The following CELF1 variants were observed in gnomAD, a reference collection of about 807,000 sequenced individuals.
CELF1 encodes 50 kDa nuclear polyadenylated RNA-binding protein.
In CELF1, 10 loss-of-function variants were observed where a neutral mutation model predicts 61.8. The observed-to-expected ratio is 0.16, with a 90% CI of 0.10 to 0.27. The LOEUF is 0.27. Among genes scored for constraint, CELF1 ranks in the 10% least tolerant of loss-of-function variants. The pLI is 1.00. For missense variants in CELF1, 380 were observed against 639.1 expected, an observed-to-expected ratio of 0.59 and a Z score of 4.37; for synonymous variants, 236 against 225.1, an observed-to-expected ratio of 1.05 and a Z score of -0.43.
chr11:47,470,497 A>G lies in CELF1; in HGVS notation c.*1733T>C, dbSNP rs530025561. On this transcript the variant is annotated 3_prime_UTR_variant, in exon 15 of 15. Coordinates refer to ENST00000687097, the MANE Select transcript of CELF1 (RefSeq NM_001376376.1). ...TAGAGGACAACAGACCCAAGTTATC[A>G]CTATGAGAAAGGAACAGCTGTCCCA... 3.9e-5 allele frequency: 6 copies of G among 152,234 alleles called. No individual in the cohort carries two copies. The highest frequency in any genetic ancestry group is 4.2e-4 in the South Asian group (2 of 4,818). 9.4% of individuals were successfully genotyped at this position (152,234 alleles called of 1,614,324 possible). A position where few individuals can be genotyped will look rare whatever the true frequency, so the allele number is the denominator to read the frequency against.
At chr11:47,520,247 G>C (rs1047480154) in intron 1 of CELF1, among the ~76,000 whole-genome samples, 1 of 152,174 alleles carries the variant, frequency 6.6e-6, no homozygotes, top group African/African-American at 2.4e-5. Flanking sequence ...TCTCAGGAGA[G>C]CTGATTCTTA....
At chr11:47,473,978 G>A (rs2078871806) in intron 13 of CELF1, among the ~76,000 whole-genome samples, 1 of 151,870 alleles carries the variant, frequency 6.6e-6, no homozygotes, top group African/African-American at 2.4e-5. Context: ...GTGAACTCAG[G>A]TCACTGCAAC....
At chr11:47,515,113 T>C (rs1213933362) in intron 1 of CELF1, among the ~76,000 whole-genome samples, 2 of 152,244 alleles carry the variant, frequency 1.3e-5, no homozygotes, top group Non-Finnish European at 2.9e-5. Context: ...GCTAAGCTAA[T>C]GCACAGCTTT....
chr11:47,513,931 C>CTA (rs2095399697), intron 1 of CELF1: 1 of 147,474 alleles, frequency 6.8e-6, no homozygotes, highest in Non-Finnish European at 1.5e-5. Flanking sequence ...CAAAATTTTC[C>CTA]TTTTTTTTTT....
chr11:47,474,909 A>T (rs917383172), intron 13 of CELF1, among the ~76,000 whole-genome samples: 1 of 152,200 alleles, frequency 6.6e-6, no homozygotes, highest in Admixed American at 6.5e-5. Flanking sequence ...GTTTGTCTTC[A>T]ATCAGGACAA....
rs1237391294 is a variant in CELF1 at position 47,533,812 on chromosome 11, A to C, written c.-154+19180T>G. ...GCAATAGAGCGAGACTCTCCCCCAA[A>C]AAAAAAAAAAAAAAAAAAAGGAATA... On this transcript the variant is annotated intron_variant, in intron 1 of 14. Transcript: ENST00000687097. 9.0e-4 allele frequency among the ~76,000 whole-genome samples: 129 copies of C among 144,016 alleles called. 2 individuals are homozygous for C. The highest frequency in any genetic ancestry group is 3.3e-3 in the African/African-American group (121 of 36,618). 94.5% of individuals were successfully genotyped at this position (144,016 alleles called of 152,430 possible).
chr11:47,472,583 C>A (rs1043535624), intron 14 of CELF1, among the ~76,000 whole-genome samples: 2 of 152,190 alleles, frequency 1.3e-5, no homozygotes, highest in African/African-American at 4.8e-5. Flanking sequence ...GAGACAGGGT[C>A]TTGCTCTGTC....
intron 3 of CELF1, among the ~76,000 whole-genome samples, chr11:47,490,498 C>T (rs1212853211): frequency 2.7e-5 from 4 of 149,776 alleles, no homozygotes; most frequent in Non-Finnish European, 5.9e-5. Context: ...ATGATCTCAG[C>T]TCTCTGCAAC....
chr11:47,522,423 G>A (rs775584142), intron 1 of CELF1, among the ~76,000 whole-genome samples: 21 of 151,504 alleles, frequency 1.4e-4, no homozygotes, highest in Middle Eastern at 3.4e-3. Flanking sequence ...CTACTACTAC[G>A]GAGGCTGAGT....
rs116847592 is a variant in CELF1 at position 47,509,471 on chromosome 11, T to G, written c.-153-8539A>C. On this transcript the variant is annotated intron_variant, in intron 1 of 14. Transcript: ENST00000687097. ...TGGAAGGATAAGGCAGGAGCACTGT[T>G]TGAGCCCGGAAGTTTGAGGCTGTAG... Among the ~76,000 whole-genome samples, 579 of 152,294 alleles carry G rather than the reference T, an allele frequency of 3.8e-3. 3 individuals carry two copies. Among genetic ancestry groups the G allele is most frequent in the Non-Finnish European group, 7.1e-3 (480 of 68,026 alleles).
At chr11:47,550,019 A>T (rs970883815) in intron 1 of CELF1, among the ~76,000 whole-genome samples, 4 of 151,612 alleles carry the variant, frequency 2.6e-5, no homozygotes, top group African/African-American at 9.7e-5. Context: ...GTTTGACCAT[A>T]TTGGCCAGGC....
At chr11:47,555,052 G>A (rs1163438693), upstream of CELF1, among the ~76,000 whole-genome samples, 4 of 152,176 alleles carry the variant, frequency 2.6e-5, no homozygotes, top group Non-Finnish European at 5.9e-5. Context: ...TGAGGATAGA[G>A]GTTTTGTCTG....
At position 47,522,322 on chromosome 11, in the gene CELF1, T is replaced by TG. The variant is rs202005417; in HGVS notation, c.-153-21391dup. On this transcript the variant is annotated intron_variant, in intron 1 of 14. Coordinates refer to ENST00000687097, the MANE Select transcript of CELF1 (RefSeq NM_001376376.1). ...AGGTGGATCACCCGAGATCAGGAGT[T>TG]GGAGACCAGCCTGGCCAACATGGTG... Among the ~76,000 whole-genome samples the TG allele has an allele frequency of 6.9e-3, 1,041 of 150,644 alleles. 15 individuals carry two copies. The highest frequency in any genetic ancestry group is 0.024 in the African/African-American group (965 of 41,006).
chr11:47,478,966 CA>C lies in CELF1; in HGVS notation c.769-15del, dbSNP rs747277535. On this transcript the variant is annotated splice_polypyrimidine_tract_variant and intron_variant, in intron 9 of 14. Transcript: ENST00000687097. Reference sequence around the variant, plus strand: ...CTGCAAATAAAGCTAGACATTACACCAAAAAACAGAACAAGAGTGAGAGTGA... The same window carrying C: ...CTGCAAATAAAGCTAGACATTACACCAAAAACAGAACAAGAGTGAGAGTGA... 2 of 1,605,300 alleles carry C rather than the reference CA, an allele frequency of 1.2e-6. No individual in the cohort carries two copies. Among genetic ancestry groups the C allele is most frequent in the East Asian group, 4.5e-5 (2 of 44,720 alleles).
chr11:47,499,421 TATG>T, intron 3 of CELF1, 29 bp downstream of exon 3: 4 of 1,501,722 alleles, frequency 2.7e-6, no homozygotes, highest in Non-Finnish European at 3.6e-6. Context: ...TTCCTCTGCT[TATG>T]ATAAAAATTA....
intron 1 of CELF1, among the ~76,000 whole-genome samples, chr11:47,534,008 G>C (rs1344264737): frequency 7.4e-6 from 1 of 135,276 alleles, no homozygotes; most frequent in Non-Finnish European, 1.6e-5. Context: ...GTTATATTTA[G>C]CATTTTTTCT....
chr11:47,558,583 AT>A (rs2097214151), intron 2 of CELF1, among the ~76,000 whole-genome samples: 2 of 110,932 alleles, frequency 1.8e-5, no homozygotes, highest in African/African-American at 7.7e-5. Flanking sequence ...AAATATATAT[AT>A]ATATTTATAT....
At chr11:47,497,532 T>G (rs1480448645) in intron 3 of CELF1, among the ~76,000 whole-genome samples, 1 of 152,250 alleles carries the variant, frequency 6.6e-6, no homozygotes, top group Non-Finnish European at 1.5e-5. Flanking sequence ...GGGTTTCTCA[T>G]GTTTAAAATC....
At chr11:47,549,480 G>A (rs1425719528) in intron 1 of CELF1, among the ~76,000 whole-genome samples, 4 of 152,130 alleles carry the variant, frequency 2.6e-5, no homozygotes, top group African/African-American at 9.7e-5. Flanking sequence ...ACACAATGGA[G>A]TATTAGCCTT....
Sources: allele counts gnomAD v4.1 joint callset (sites outside exome capture counted in the v4.1 genomes callset), GRCh38; gene constraint gnomAD v4.1.1; transcripts MANE v1.5; gene names NCBI Gene and HGNC (gene_info 2026-07-23, HGNC 2026-07-21).